RORA: variants seen among roughly 807,000 people sequenced by gnomAD.
RORA encodes nuclear receptor ROR-alpha.
A neutral mutation model predicts 69.5 loss-of-function variants in RORA; 7 were observed. The ratio of observed to expected loss-of-function variants is 0.10; its 90% confidence interval spans 0.06 to 0.19. The LOEUF (loss-of-function observed/expected upper bound fraction) is 0.19. Among genes scored for constraint, RORA ranks in the 10% least tolerant of loss-of-function variants. The pLI, the probability that RORA is intolerant of heterozygous loss-of-function variation, is 1.00. For missense variants in RORA, 457 were observed against 663.0 expected, an observed-to-expected ratio of 0.69 and a Z score of 3.41; for synonymous variants, 261 against 240.8, an observed-to-expected ratio of 1.08 and a Z score of -0.78.
chr15:61,172,263 G>A (rs1265980688), intron 1 of RORA, among the ~76,000 whole-genome samples: 5 of 151,990 alleles, frequency 3.3e-5, no homozygotes, highest in Non-Finnish European at 5.9e-5. Flanking sequence ...ATCCATATAC[G>A]AAATGACAAA....
At chr15:61,002,042 C>G (rs1786140153) in intron 1 of RORA, among the ~76,000 whole-genome samples, 1 of 152,238 alleles carries the variant, frequency 6.6e-6, no homozygotes, top group African/African-American at 2.4e-5. Flanking sequence ...ACCAAATGAG[C>G]TCCTTTCTCT....
At chr15:60,760,641 G>T (rs1216528311) in intron 1 of RORA, among the ~76,000 whole-genome samples, 3 of 152,130 alleles carry the variant, frequency 2.0e-5, no homozygotes, top group Non-Finnish European at 4.4e-5. Flanking sequence ...CAAGAAATAG[G>T]AAGGCCATTT....
chr15:60,980,003 T>C (rs1199645171), intron 1 of RORA, among the ~76,000 whole-genome samples: 1 of 152,208 alleles, frequency 6.6e-6, no homozygotes, highest in Non-Finnish European at 1.5e-5. Context: ...AGTATGATGT[T>C]AGCTGTGGGT....
At position 60,790,963 on chromosome 15, in the gene RORA, G is replaced by GC. The variant is rs35079596; in HGVS notation, c.167-112278dup. ...TATGACCTTCAGAGGCCCTAGAAAC[G>GC]CCCCCCCATTGCCCCCCCAAAAAGC... On this transcript the variant is annotated intron_variant, in intron 1 of 10. Coordinates refer to ENST00000335670, the MANE Select transcript of RORA (RefSeq NM_134261.3). Among the ~76,000 whole-genome samples the GC allele has an allele frequency of 1.9e-3, 294 of 151,728 alleles. 2 individuals carry two copies. The highest frequency in any genetic ancestry group is 6.1e-3 in the African/African-American group (250 of 41,294).
chr15:61,186,670 G>T (rs2079745915), intron 1 of RORA, among the ~76,000 whole-genome samples: 2 of 137,070 alleles, frequency 1.5e-5, no homozygotes, highest in South Asian at 4.7e-4. Flanking sequence ...AAAAAAAAGG[G>T]AAAAAGAAAA....
rs532944828 is a variant in RORA at position 61,047,449 on chromosome 15, A to T, written c.166+181604T>A. ...TTGCAAGTGGGAGGGCATAAAATGC[A>T]TTAACACCATAGAAGTGCCTCTAGA... is the stretch of plus-strand genomic sequence containing the variant. On this transcript the variant is annotated intron_variant, in intron 1 of 10. Coordinates refer to ENST00000335670, the MANE Select transcript of RORA (RefSeq NM_134261.3). Among the ~76,000 whole-genome samples the T allele has an allele frequency of 3.3e-5, 5 of 152,372 alleles. No individual in the cohort carries two copies. In the South Asian group the frequency reaches 1.0e-3, roughly 32 times the overall value.
intron 1 of RORA, among the ~76,000 whole-genome samples, chr15:60,819,775 A>ACACGCG (rs1424505421): frequency 6.5e-4 from 93 of 142,860 alleles, no homozygotes; most frequent in Non-Finnish European, 1.1e-3. Context: ...ACACACACAC[A>ACACGCG]CACACACACA....
chr15:61,050,053 G>T (rs184894282), intron 1 of RORA, among the ~76,000 whole-genome samples: 1 of 152,246 alleles, frequency 6.6e-6, no homozygotes, highest in East Asian at 1.9e-4. Context: ...TAGCCAACAC[G>T]TTTGATATGA....
At chr15:60,962,034 C>T (rs373507179) in intron 1 of RORA, among the ~76,000 whole-genome samples, 2 of 152,192 alleles carry the variant, frequency 1.3e-5, no homozygotes, top group African/African-American at 4.8e-5. Context: ...CGGTCCTGAC[C>T]GAGTGCTGTT....
chr15:61,173,457 G>GT (rs1378982237), intron 1 of RORA, among the ~76,000 whole-genome samples: 1 of 152,188 alleles, frequency 6.6e-6, no homozygotes, highest in East Asian at 1.9e-4. Context: ...ACATAAAATA[G>GT]TTTCAGGCAA....
chr15:61,132,980 G>C (rs1238268741), intron 1 of RORA, among the ~76,000 whole-genome samples: 1 of 152,110 alleles, frequency 6.6e-6, no homozygotes, highest in Non-Finnish European at 1.5e-5. Flanking sequence ...AATAAAAATA[G>C]CCTGCTTTTT....
intron 1 of RORA, among the ~76,000 whole-genome samples, chr15:60,688,311 A>T (rs910565712): frequency 4.6e-5 from 7 of 152,138 alleles, no homozygotes; most frequent in African/African-American, 1.7e-4. Flanking sequence ...CAAATTAATG[A>T]GAGTGATTAT....
Position 60,531,507 on chromosome 15 carries a change from T to A in RORA, c.282+259A>T. ...ATTGCCACAGAGATTGCTCATGAGT[T>A]CAACTCTGGGGTTGAAAGTGATAAA... On this transcript the variant is annotated intron_variant, in intron 3 of 10. Transcript: ENST00000335670. The surrounding 1 kb of genome is among the most constrained non-coding windows in gnomAD (Gnocchi z 4.8). 2 of 382,010 alleles carry A rather than the reference T, an allele frequency of 5.2e-6. No individual in the cohort carries two copies. The highest frequency in any genetic ancestry group is 4.2e-5 in the South Asian group (1 of 24,032). The allele number at this position is 382,010 out of a possible 1,614,324, so 23.7% of individuals were successfully genotyped here.
At chr15:60,542,398 C>T (rs1175266534) in intron 2 of RORA, among the ~76,000 whole-genome samples, 1 of 151,790 alleles carries the variant, frequency 6.6e-6, no homozygotes, top group Non-Finnish European at 1.5e-5. Flanking sequence ...GTACACTACA[C>T]ACATATACCA....
intron 1 of RORA, among the ~76,000 whole-genome samples, chr15:61,137,077 A>AAG (rs2079250864): frequency 6.7e-6 from 1 of 150,044 alleles, no homozygotes; most frequent in African/African-American, 2.5e-5. Flanking sequence ...GAAAGAAAGA[A>AAG]AGAAAGAAAG....
At chr15:60,901,883 C>T (rs985192599) in intron 1 of RORA, among the ~76,000 whole-genome samples, 1 of 152,140 alleles carries the variant, frequency 6.6e-6, no homozygotes, top group South Asian at 2.1e-4. Flanking sequence ...TGTGAACTAC[C>T]TTGAGCTAGT....
chr15:60,838,608 G>A (rs1194061092), intron 1 of RORA, among the ~76,000 whole-genome samples: 2 of 152,244 alleles, frequency 1.3e-5, no homozygotes, highest in Admixed American at 6.5e-5. Flanking sequence ...AGGTTCATGG[G>A]GAACCCCACT....
At chr15:61,119,063 G>A (rs2079076084) in intron 1 of RORA, among the ~76,000 whole-genome samples, 1 of 110,902 alleles carries the variant, frequency 9.0e-6, no homozygotes, top group Admixed American at 1.2e-4. Context: ...TTGAAGTCGG[G>A]AAGATGCAGT....
intron 1 of RORA, among the ~76,000 whole-genome samples, chr15:60,700,358 C>A (rs1420219482): frequency 6.6e-6 from 1 of 152,168 alleles, no homozygotes; most frequent in Non-Finnish European, 1.5e-5. Flanking sequence ...TCCTGTCTGA[C>A]CATACCCCAA....
Sources: gnomAD v4.1 joint callset for allele counts (sites outside exome capture counted in the v4.1 genomes callset) on GRCh38, gnomAD v4.1.1 for gene constraint, Gnocchi (gnomAD v3.1) non-coding constraint, MANE v1.5 for transcripts, NCBI Gene and HGNC (gene_info 2026-07-23, HGNC 2026-07-21) for gene names.